APP: variants seen among roughly 807,000 people sequenced by gnomAD.
APP encodes amyloid beta precursor protein, also known as amyloid-beta precursor protein.
Under a neutral mutation model 101.4 loss-of-function variants are expected in APP, and 31 were observed. The ratio of observed to expected loss-of-function variants is 0.31; its 90% CI spans 0.23 to 0.41. The LOEUF (loss-of-function observed/expected upper bound fraction) is 0.41. Among genes scored for constraint, APP ranks in the 10% least tolerant of loss-of-function variants. The pLI is 1.00. For missense variants in APP, 839 were observed against 1,003.7 expected, an observed-to-expected ratio of 0.84 and a Z score of 2.22; for synonymous variants, 366 against 364.4, an observed-to-expected ratio of 1.00 and a Z score of -0.05.
At chr21:26,006,693 T>G (rs1263601458) in intron 6 of APP, among the ~76,000 whole-genome samples, 1 of 152,190 alleles carries the variant, frequency 6.6e-6, no homozygotes, top group Non-Finnish European at 1.5e-5. Flanking sequence ...AGAAAGCTGA[T>G]TTTACATATT....
chr21:26,070,948 T>C (rs546295193), intron 3 of APP, among the ~76,000 whole-genome samples: 1 of 152,334 alleles, frequency 6.6e-6, no homozygotes, highest in East Asian at 1.9e-4. Flanking sequence ...TGGAAATTTC[T>C]GCTTCCTTTG....
At chr21:26,125,724 T>C (rs371431650) in intron 1 of APP, among the ~76,000 whole-genome samples, 57 of 152,324 alleles carry the variant, frequency 3.7e-4, no homozygotes, top group African/African-American at 1.3e-3. Flanking sequence ...CCTGATTTAT[T>C]AGCAAACATC....
At chr21:26,107,325 G>A (rs554133915) in intron 2 of APP, among the ~76,000 whole-genome samples, 131 of 152,228 alleles carry the variant, frequency 8.6e-4, no homozygotes, top group African/African-American at 2.9e-3. Context: ...GCTGGGGAAG[G>A]AATTTTAAAT....
intron 3 of APP, among the ~76,000 whole-genome samples, chr21:26,086,562 T>TAA (rs5843205): frequency 0.083 from 12,274 of 148,484 alleles, 543 homozygotes; most frequent in African/African-American, 0.12. Flanking sequence ...GCTAGGTCAG[T>TAA]AAAAAAAAAA....
chr21:26,153,439 G>T (rs545064375), intron 1 of APP, among the ~76,000 whole-genome samples: 5 of 150,050 alleles, frequency 3.3e-5, no homozygotes, highest in African/African-American at 1.2e-4. Context: ...CTAAGGAAAC[G>T]CAGATACCCC....
chr21:25,886,584 A>G (rs1010420185), intron 17 of APP, among the ~76,000 whole-genome samples: 7 of 151,712 alleles, frequency 4.6e-5, no homozygotes, highest in African/African-American at 1.7e-4. Context: ...TATTAGAGAC[A>G]GGGTCTCACC....
intron 8 of APP, among the ~76,000 whole-genome samples, chr21:25,993,411 G>A (rs2042943539): frequency 6.6e-6 from 1 of 152,172 alleles, no homozygotes. Flanking sequence ...ATGAAACAGA[G>A]AGGAGAAAGG....
intron 5 of APP, among the ~76,000 whole-genome samples, chr21:26,032,824 A>G (rs2044900259): frequency 6.6e-6 from 1 of 151,008 alleles, no homozygotes; most frequent in Non-Finnish European, 1.5e-5. Flanking sequence ...ATATATATAA[A>G]GAGCTATCCT....
intron 17 of APP, among the ~76,000 whole-genome samples, chr21:25,890,657 T>C (rs2037630643): frequency 7.1e-6 from 1 of 141,640 alleles, no homozygotes. Flanking sequence ...GAGAATTGCT[T>C]GAACCCAGGA....
At chr21:26,114,952 A>C (rs1288065191) in intron 1 of APP, among the ~76,000 whole-genome samples, 1 of 152,170 alleles carries the variant, frequency 6.6e-6, no homozygotes, top group Non-Finnish European at 1.5e-5. Context: ...AAAAAGTGGT[A>C]ATTTTTAAAA....
At chr21:26,088,134 G>A (rs1334519656) in intron 3 of APP, among the ~76,000 whole-genome samples, 2 of 152,152 alleles carry the variant, frequency 1.3e-5, no homozygotes, top group Non-Finnish European at 2.9e-5. Context: ...ACCACACCCA[G>A]TGGAAGGAGA....
intron 3 of APP, among the ~76,000 whole-genome samples, chr21:26,055,127 G>A (rs761592872): frequency 5.3e-5 from 8 of 152,132 alleles, no homozygotes; most frequent in Non-Finnish European, 1.0e-4. Context: ...TGCAGGGAAT[G>A]CAAAAATTAT....
At position 26,053,271 on chromosome 21, in the gene APP, C is replaced by T. The variant is rs201573490; in HGVS notation, c.433G>A (p.Glu145Lys). The T allele has an allele frequency of 1.2e-5, 20 of 1,613,786 alleles. No individual in the cohort carries two copies. Among genetic ancestry groups the T allele is most frequent in the African/African-American group, 5.3e-5 (4 of 74,892 alleles). ...FLHQERMDVC[E>K]THLHWHTVAK... ...ACGGTGTGCCAGTGAAGATGAGTTT[C>T]GCAAACATCCATCCTCTCCTGGTGT... is the stretch of plus-strand genomic sequence containing the variant. The change falls in exon 4 of 18, where the codon GAA becomes AAA. Residue 145 changes from glutamate (E) to lysine (K), a missense_variant. Transcript: ENST00000346798.
rs141296102 is a variant in APP, at chr21:25,975,861, G to A, written c.1299+93C>T. ...TTCATGGGACTATGAACAATCACACGTGAGGTGCTGGCAGATAAAGGTAAA... is the reference window on the plus strand; with the variant it reads ...TTCATGGGACTATGAACAATCACACATGAGGTGCTGGCAGATAAAGGTAAA... On this transcript the variant is annotated intron_variant, in intron 10 of 17. Coordinates refer to ENST00000346798, the MANE Select transcript of APP (RefSeq NM_000484.4). 3.9e-4 allele frequency: 383 copies of A among 972,752 alleles called. 1 individual carries two copies. The African/African-American group carries it at 5.7e-3, about 15-fold the overall frequency. 60.3% of individuals were successfully genotyped at this position (972,752 alleles called of 1,614,324 possible). A position where few individuals can be genotyped will look rare whatever the true frequency, so the allele number is the denominator to read the frequency against.
chr21:25,962,599 T>C (rs2041627628), intron 11 of APP, among the ~76,000 whole-genome samples: 1 of 152,198 alleles, frequency 6.6e-6, no homozygotes, highest in South Asian at 2.1e-4. Context: ...TTGATGTATC[T>C]ATATAGTGTG....
At chr21:25,928,602 G>A (rs947445358) in intron 13 of APP, among the ~76,000 whole-genome samples, 5 of 152,092 alleles carry the variant, frequency 3.3e-5, no homozygotes, top group Non-Finnish European at 7.4e-5. Flanking sequence ...GTTTAGTACT[G>A]TAGGCATTGT....
At chr21:25,941,326 T>C (rs916497621) in intron 13 of APP, 1 of 152,218 alleles carries the variant, frequency 6.6e-6, no homozygotes, top group South Asian at 2.1e-4. Flanking sequence ...GAGGATCAAG[T>C]GAAACTTAGA....
intron 13 of APP, among the ~76,000 whole-genome samples, chr21:25,950,396 T>G (rs961770427): frequency 2.0e-5 from 3 of 146,498 alleles, no homozygotes; most frequent in Non-Finnish European, 3.0e-5. Flanking sequence ...TTTTTTTTTT[T>G]GGAGACGGAG....
intron 15 of APP, among the ~76,000 whole-genome samples, chr21:25,903,026 G>A (rs2829979): frequency 0.21 from 32,074 of 151,908 alleles, 4,681 homozygotes; most frequent in East Asian, 0.39. Flanking sequence ...TTGTTTGACA[G>A]CGTTTGGAGG....
Sources: gnomAD v4.1 joint callset for allele counts (sites outside exome capture counted in the v4.1 genomes callset) on GRCh38, gnomAD v4.1.1 for gene constraint, MANE v1.5 for transcripts, NCBI Gene and HGNC (gene_info 2026-07-23, HGNC 2026-07-21) for gene names.